NXPE4: variants seen among roughly 807,000 people sequenced by gnomAD.
The protein encoded by NXPE4 is NXPE family member 4.
NXPE4 carries 42 observed loss-of-function variants against 33.3 expected under a neutral mutation model. The observed-to-expected ratio is 1.26, with a 90% confidence interval of 0.98 to 1.63. The LOEUF (loss-of-function observed/expected upper bound fraction) is 1.63, where lower values mean the gene tolerates loss of function less well. NXPE4 is among the 40% of genes most tolerant of loss of function. NXPE4 has a pLI of 0.00. For missense variants in NXPE4, 709 were observed against 647.6 expected, an observed-to-expected ratio of 1.09 and a Z score of -1.03; for synonymous variants, 253 against 234.9, an observed-to-expected ratio of 1.08 and a Z score of -0.71.
chr11:114,631,139 G>T, the NXPE4 span, among the ~76,000 whole-genome samples: 1 of 151,992 alleles, frequency 6.6e-6, no homozygotes, highest in Non-Finnish European at 1.5e-5. Context: ...TCTAGAACTA[G>T]AAATACCATT....
At chr11:114,654,192 A>G in the NXPE4 span, among the ~76,000 whole-genome samples, 1 of 152,110 alleles carries the variant, frequency 6.6e-6, no homozygotes, top group Admixed American at 6.6e-5. Context: ...GAGCATTTCC[A>G]GAGTGAGATG....
intron 5 of NXPE4, among the ~76,000 whole-genome samples, chr11:114,578,420 C>G (rs1049313094): frequency 6.6e-6 from 1 of 152,138 alleles, no homozygotes; most frequent in African/African-American, 2.4e-5. Context: ...AAGAGAATCA[C>G]TGTTACAGAA....
the NXPE4 span, among the ~76,000 whole-genome samples, chr11:114,608,635 G>T: frequency 3.3e-5 from 5 of 151,502 alleles, no homozygotes; most frequent in African/African-American, 1.2e-4. Flanking sequence ...GATAATACTT[G>T]TTGCCTCGAG....
chr11:114,614,332 T>C, the NXPE4 span, among the ~76,000 whole-genome samples: 37 of 151,146 alleles, frequency 2.4e-4, 1 homozygote, highest in Middle Eastern at 3.6e-3. Context: ...CACGGTTACC[T>C]GATGGATAAT....
chr11:114,607,911 C>A, the NXPE4 span, among the ~76,000 whole-genome samples: 1 of 151,900 alleles, frequency 6.6e-6, no homozygotes, highest in African/African-American at 2.4e-5. Context: ...CACAGTTACC[C>A]AATGGATAAT....
chr11:114,625,398 A>C, the NXPE4 span, among the ~76,000 whole-genome samples: 1 of 152,088 alleles, frequency 6.6e-6, no homozygotes, highest in African/African-American at 2.4e-5. Flanking sequence ...GTGGATAATA[A>C]GTATTGCCTC....
At chr11:114,636,679 T>C in the NXPE4 span, among the ~76,000 whole-genome samples, 1 of 152,082 alleles carries the variant, frequency 6.6e-6, no homozygotes, top group Non-Finnish European at 1.5e-5. Flanking sequence ...TTCTCATTGA[T>C]TTCAAAGAAC....
At chr11:114,607,711 T>C in the NXPE4 span, among the ~76,000 whole-genome samples, 234 of 152,028 alleles carry the variant, frequency 1.5e-3, 1 homozygote, top group African/African-American at 5.3e-3. Context: ...TGGTGGATAA[T>C]AATTGTTGCC....
chr11:114,626,987 TG>T, the NXPE4 span, among the ~76,000 whole-genome samples: 18 of 151,686 alleles, frequency 1.2e-4, no homozygotes, highest in South Asian at 4.2e-4. Context: ...TAAAAAGAAA[TG>T]AACAAAGCCT....
At chr11:114,631,747 C>A in the NXPE4 span, among the ~76,000 whole-genome samples, 2 of 151,806 alleles carry the variant, frequency 1.3e-5, no homozygotes. Flanking sequence ...TGGGTAACCA[C>A]TGTCACCCGG....
chr11:114,582,830 G>A lies in NXPE4; in HGVS notation c.288C>T (p.Ser96=), dbSNP rs376142309. Residue 96 remains serine, a synonymous_variant, in exon 3 of 6, where the codon AGC becomes AGT. Transcript: ENST00000375478. The part of the protein sequence containing the change: ...RPFTHVNTTT[S]ATHSTATILN... Reference sequence around the variant, plus strand: ...GGATGGTGGCTGTGCTATGTGTGGCGCTGGTGGTGGTGTTCACGTGGGTGA... The same window carrying A: ...GGATGGTGGCTGTGCTATGTGTGGCACTGGTGGTGGTGTTCACGTGGGTGA... 65 of 1,614,180 alleles carry A rather than the reference G, an allele frequency of 4.0e-5. No homozygotes were observed. Among genetic ancestry groups the A allele is most frequent in the Admixed American group, 3.3e-4 (20 of 60,024 alleles).
chr11:114,673,345 T>C, the NXPE4 span, among the ~76,000 whole-genome samples: 1 of 151,414 alleles, frequency 6.6e-6, no homozygotes, highest in African/African-American at 2.4e-5. Flanking sequence ...AGATGGAAAT[T>C]TGTGGCTGTT....
At chr11:114,635,302 G>A in the NXPE4 span, among the ~76,000 whole-genome samples, 1 of 149,748 alleles carries the variant, frequency 6.7e-6, no homozygotes, top group Non-Finnish European at 1.5e-5. Context: ...TGTGATTTTT[G>A]TACATTGATT....
the NXPE4 span, among the ~76,000 whole-genome samples, chr11:114,626,423 C>T: frequency 6.6e-6 from 1 of 152,154 alleles, no homozygotes; most frequent in Non-Finnish European, 1.5e-5. Context: ...CAGACTGACA[C>T]CTCACGTGGC....
the NXPE4 span, among the ~76,000 whole-genome samples, chr11:114,659,589 A>G: frequency 2.0e-5 from 3 of 152,164 alleles, no homozygotes; most frequent in African/African-American, 7.2e-5. Context: ...AGGGACAAAT[A>G]AGAAGTCACA....
At chr11:114,624,527 G>A in the NXPE4 span, among the ~76,000 whole-genome samples, 38 of 151,844 alleles carry the variant, frequency 2.5e-4, no homozygotes, top group East Asian at 2.3e-3. Context: ...TTATTGCCTC[G>A]TGGGTAACCA....
chr11:114,607,006 T>C, the NXPE4 span, among the ~76,000 whole-genome samples: 1 of 151,964 alleles, frequency 6.6e-6, no homozygotes, highest in Non-Finnish European at 1.5e-5. Context: ...ATAATCAGTA[T>C]TGCCTCTAGA....
At chr11:114,635,062 C>T in the NXPE4 span, among the ~76,000 whole-genome samples, 2 of 151,786 alleles carry the variant, frequency 1.3e-5, no homozygotes, top group Non-Finnish European at 2.9e-5. Context: ...GGTAGTATGG[C>T]CATTTTCACG....
At chr11:114,674,390 C>A in the NXPE4 span, among the ~76,000 whole-genome samples, 1 of 151,688 alleles carries the variant, frequency 6.6e-6, no homozygotes, top group East Asian at 1.9e-4. Flanking sequence ...TGAATAATTT[C>A]ACTTAGCTAC....
Sources: allele counts gnomAD v4.1 joint callset (sites outside exome capture counted in the v4.1 genomes callset), GRCh38; gene constraint gnomAD v4.1.1; transcripts MANE v1.5; gene names NCBI Gene and HGNC (gene_info 2026-07-23, HGNC 2026-07-21).